Variants in QRICH2 observed in about 807,000 individuals in gnomAD.
The protein encoded by QRICH2 is glutamine rich 2.
A neutral mutation model predicts 168.3 loss-of-function variants in QRICH2; 119 were observed. That is an observed-to-expected ratio of 0.71 (90% CI 0.61 to 0.82). The LOEUF is 0.82. QRICH2 is among the 40% of genes least tolerant of loss of function. QRICH2 has a pLI of 0.00. For synonymous variants in QRICH2, 894 were observed against 951.2 expected, an observed-to-expected ratio of 0.94 and a Z score of 1.11; for missense variants, 2,241 against 2,491.6, an observed-to-expected ratio of 0.90 and a Z score of 2.14.
chr17:76,285,411 C>A (rs1321254632), intron 7 of QRICH2, among the ~76,000 whole-genome samples: 1 of 151,764 alleles, frequency 6.6e-6, no homozygotes, highest in Middle Eastern at 3.4e-3. Context: ...GGATTACAGG[C>A]GTGAGCCACC....
In QRICH2 at chr17:76,280,802, C is replaced by A; in HGVS notation, c.4386+29G>T. 6.2e-7 allele frequency: 1 copy of A among 1,613,974 alleles called. No individual in the cohort carries two copies. The highest frequency in any genetic ancestry group is 8.5e-7 in the Non-Finnish European group (1 of 1,180,016). On this transcript the variant is annotated intron_variant, in intron 9 of 18. Transcript: ENST00000680821. The surrounding 1 kb of genome is among the most constrained non-coding windows in gnomAD (Gnocchi z 7.4). ...CTAGGGCACCACATTGAGCCCCGGCCCCATCCCAGCCACCCTGCGGCCGCT... is the reference window on the plus strand; with the variant it reads ...CTAGGGCACCACATTGAGCCCCGGCACCATCCCAGCCACCCTGCGGCCGCT...
rs1327908988 is a variant in QRICH2, at chr17:76,280,486, G to A, written c.4462-35C>T. Reference sequence around the variant, plus strand: ...GACAGACAGAGGTCCCCGCATCTGGGAGATGGCCATGGAGGGGCCCCATTC... The same window carrying A: ...GACAGACAGAGGTCCCCGCATCTGGAAGATGGCCATGGAGGGGCCCCATTC... On this transcript the variant is annotated intron_variant, in intron 10 of 18. Transcript: ENST00000680821. This position sits in a 1 kb window ranked among gnomAD's most constrained non-coding sequence, Gnocchi z 7.4. 9 of 1,609,284 alleles carry A rather than the reference G, an allele frequency of 5.6e-6. No homozygotes were observed. Among genetic ancestry groups the A allele is most frequent in the Non-Finnish European group, 7.6e-6 (9 of 1,177,502 alleles).
At chr17:76,276,305 G>A (rs75282781) in intron 17 of QRICH2, among the ~76,000 whole-genome samples, 2,695 of 152,316 alleles carry the variant, frequency 0.018, 82 homozygotes, top group African/African-American at 0.062. Context: ...GCATTGCCAC[G>A]GGAGGCGGGC....
At chr17:76,287,069 CACACACACACACACACACAT>C in intron 7 of QRICH2, 103 bp downstream of exon 7, 1 of 248,184 alleles carries the variant, frequency 4.0e-6, no homozygotes, top group Non-Finnish European at 6.8e-6. Context: ...CACACACACA[CACACACACACACACACACAT>C]GATGGGAGGG....
At chr17:76,308,531 T>C, upstream of QRICH2, 1 of 980,466 alleles carries the variant, frequency 1.0e-6, no homozygotes, top group Non-Finnish European at 1.2e-6. Context: ...CTTTGTGTCA[T>C]CAGCTGCGTC....
rs1347839260 is a variant in QRICH2, at chr17:76,292,038, CTG to C, written c.2687_2688del (p.Ala896GlyfsTer54). 1 of 1,614,068 alleles carries C rather than the reference CTG, an allele frequency of 6.2e-7. No homozygotes were observed. The highest frequency in any genetic ancestry group is 8.5e-7 in the Non-Finnish European group (1 of 1,180,022). ...MDQRGLIQPGADQPGLVQPGA... is the reference protein window; with the variant it reads ...MDQRGLIQPGXDQPGLVQPGA... Reference sequence around the variant, plus strand: ...CCAGGCTGGACCAAACCAGGCTGATCTGCACCAGGTTGGATCAAACCACGCTG... The same window carrying C: ...CCAGGCTGGACCAAACCAGGCTGATCCACCAGGTTGGATCAAACCACGCTG... On this transcript the variant is annotated frameshift_variant, in exon 4 of 19. Transcript: ENST00000680821. LOFTEE classifies it high-confidence loss of function.
intron 7 of QRICH2, among the ~76,000 whole-genome samples, chr17:76,282,334 C>G (rs977721689): frequency 6.6e-6 from 1 of 152,210 alleles, no homozygotes; most frequent in African/African-American, 2.4e-5. Context: ...AACACTGAAC[C>G]AAGCCCTTGC....
In QRICH2 at chr17:76,281,029, C is replaced by T; in HGVS notation, c.4264-76G>A. On this transcript the variant is annotated intron_variant, in intron 8 of 18. Coordinates refer to ENST00000680821, the MANE Select transcript of QRICH2 (RefSeq NM_001388453.1). The surrounding 1 kb of genome is among the most constrained non-coding windows in gnomAD (Gnocchi z 4.4). ...CCCCCTGCTGCCATAATATTGCTGCCCCAGGTAAGTTGGCCCTTAAAACAT... is the reference window on the plus strand; with the variant it reads ...CCCCCTGCTGCCATAATATTGCTGCTCCAGGTAAGTTGGCCCTTAAAACAT... 1 of 1,549,018 alleles carries T rather than the reference C, an allele frequency of 6.5e-7. No homozygotes were observed. The highest frequency in any genetic ancestry group is 1.2e-5 in the South Asian group (1 of 86,124).
Position 76,307,802 on chromosome 17 carries a change from C to A in QRICH2, c.197G>T (p.Ser66Ile). 1 of 1,339,160 alleles carries A rather than the reference C, an allele frequency of 7.5e-7. No homozygotes were observed. The highest frequency in any genetic ancestry group is 9.5e-7 in the Non-Finnish European group (1 of 1,048,718). 83.0% of individuals were successfully genotyped at this position (1,339,160 alleles called of 1,614,324 possible). Residue 66 changes from serine (S) to isoleucine (I), a missense_variant, in exon 1 of 19, where the codon AGC (serine) becomes ATC (isoleucine). Physicochemically the swap from Ser to Ile is moderately radical, Grantham distance 142. Around this residue, in one of 3 missense-constraint regions of QRICH2, gnomAD observed 2,047 missense variants for 2,303.8 expected, o/e 0.89. Coordinates refer to ENST00000680821, the MANE Select transcript of QRICH2 (RefSeq NM_001388453.1). The surrounding 1 kb of genome is among the most constrained non-coding windows in gnomAD (Gnocchi z 5.3). ...EPSRSLQSVRSSFSIPHLPAP... is the reference protein window; with the variant it reads ...EPSRSLQSVRISFSIPHLPAP... ...GGGCAGGTGCGGGATGCTGAACGAGCTCCGGACGGACTGCAGCGAGCGGCT... is the reference window on the plus strand; with the variant it reads ...GGGCAGGTGCGGGATGCTGAACGAGATCCGGACGGACTGCAGCGAGCGGCT...
At chr17:76,275,515 G>A (rs552073245) in intron 18 of QRICH2, among the ~76,000 whole-genome samples, 35 of 152,188 alleles carry the variant, frequency 2.3e-4, no homozygotes, top group Non-Finnish European at 4.4e-4. Flanking sequence ...CCAGGCGCAC[G>A]AGCTCCATGA....
intron 7 of QRICH2, among the ~76,000 whole-genome samples, chr17:76,286,635 GAT>G (rs1464371661): frequency 1.3e-5 from 2 of 152,060 alleles, no homozygotes; most frequent in South Asian, 4.1e-4. Context: ...TGAATTCATT[GAT>G]ATATGATTAT....
Position 76,291,321 on chromosome 17 carries a change from C to T in QRICH2, c.3406G>A (p.Ala1136Thr), listed in dbSNP as rs2070985948. Reference protein sequence around the residue: ...QEGLDPNRTRASDRHGIPAQK... With the variant: ...QEGLDPNRTRTSDRHGIPAQK... ...GCAGGAATTCCATGTCGGTCCGAGGCTCGTGTTCTATTTGGATCCAAACCT... is the reference window on the plus strand; with the variant it reads ...GCAGGAATTCCATGTCGGTCCGAGGTTCGTGTTCTATTTGGATCCAAACCT... Residue 1136 changes from alanine to threonine, a missense_variant, in exon 4 of 19, where the codon GCC becomes ACC. Coordinates refer to ENST00000680821, the MANE Select transcript of QRICH2 (RefSeq NM_001388453.1). 1.2e-6 allele frequency: 2 copies of T among 1,614,176 alleles called. No individual in the cohort carries two copies. Among genetic ancestry groups the T allele is most frequent in the Non-Finnish European group, 1.7e-6 (2 of 1,180,040 alleles).
At chr17:76,279,228 C>A in intron 13 of QRICH2, 86 bp from the exon 14 acceptor site, 3 of 1,349,674 alleles carry the variant, frequency 2.2e-6, no homozygotes, top group South Asian at 2.5e-5. Context: ...ACCTTCCCAC[C>A]CGCCCCCGGC....
rs1287153025 is a variant in QRICH2 at position 76,280,749 on chromosome 17, G to A, written c.4387-21C>T. On this transcript the variant is annotated intron_variant, in intron 9 of 18. Coordinates refer to ENST00000680821, the MANE Select transcript of QRICH2 (RefSeq NM_001388453.1). The surrounding 1 kb of genome is among the most constrained non-coding windows in gnomAD (Gnocchi z 7.4). ...AGCATCTGGGGAGGCCAAGTGAACA[G>A]AGAAAAAAAGAGCCAGCAGCTGCGG... The A allele has an allele frequency of 1.2e-6, 2 of 1,614,086 alleles. No homozygotes were observed. The highest frequency in any genetic ancestry group is 1.7e-5 in the Admixed American group (1 of 60,018).
At chr17:76,277,825 ACAT>A (rs1246671069) in intron 15 of QRICH2, among the ~76,000 whole-genome samples, 161 bp downstream of exon 15, 4 of 151,998 alleles carry the variant, frequency 2.6e-5, no homozygotes, top group African/African-American at 9.6e-5. Flanking sequence ...TGGCTTACAC[ACAT>A]CACACACACT....
At chr17:76,300,241 T>TTTAA (rs1205595950) in intron 3 of QRICH2, among the ~76,000 whole-genome samples, 10 of 152,134 alleles carry the variant, frequency 6.6e-5, no homozygotes. Flanking sequence ...CATAGACACC[T>TTTAA]TTAAACATTT....
chr17:76,277,064 A>C, intron 16 of QRICH2, 99 bp downstream of exon 16: 1 of 1,301,398 alleles, frequency 7.7e-7, no homozygotes, highest in South Asian at 1.5e-5. Context: ...GCCTCAAGGC[A>C]GAGGGCTGGC....
chr17:76,282,134 G>A lies in QRICH2; in HGVS notation c.4012-19C>T. On this transcript the variant is annotated intron_variant, in intron 7 of 18. Transcript: ENST00000680821. The stretch of plus-strand genomic sequence containing the variant: ...TGTCCAACTGCGTGCAGGAGAGACG[G>A]CAGCAGCAGGGCAGTGAGGCCAGTC... 1 of 1,586,596 alleles carries A rather than the reference G, an allele frequency of 6.3e-7. No homozygotes were observed. The highest frequency in any genetic ancestry group is 8.6e-7 in the Non-Finnish European group (1 of 1,160,692).
intron 7 of QRICH2, among the ~76,000 whole-genome samples, chr17:76,284,947 A>G (rs950978078): frequency 1.3e-5 from 2 of 151,872 alleles, no homozygotes; most frequent in Admixed American, 1.3e-4. Flanking sequence ...CACACCCACT[A>G]AAGTGGCTAT....
Sources: gnomAD v4.1 joint callset for allele counts (sites outside exome capture counted in the v4.1 genomes callset) on GRCh38, gnomAD v4.1.1 for gene constraint, gnomAD v4.1.1 regional missense constraint, Gnocchi (gnomAD v3.1) non-coding constraint, MANE v1.5 for transcripts, NCBI Gene and HGNC (gene_info 2026-07-23, HGNC 2026-07-21) for gene names.